Variants in NF1 observed in about 807,000 individuals in gnomAD.
The protein encoded by NF1 is neurofibromin 1.
In NF1, 122 loss-of-function variants were observed where a neutral mutation model predicts 325.7. The ratio of observed to expected loss-of-function variants is 0.37; its 90% CI spans 0.32 to 0.44. The LOEUF is 0.44. Ranked by LOEUF, NF1 falls within the 20% of genes least tolerant of loss-of-function variation. The pLI, the probability that NF1 is intolerant of heterozygous loss-of-function variation, is 1.00. For missense variants in NF1, 2,140 were observed against 3,415.4 expected, an observed-to-expected ratio of 0.63 and a Z score of 9.31; for synonymous variants, 1,091 against 1,186.0, an observed-to-expected ratio of 0.92 and a Z score of 1.65.
intron 36 of NF1, among the ~76,000 whole-genome samples, chr17:31,274,824 AC>A (rs1285432486): frequency 6.6e-6 from 1 of 152,150 alleles, no homozygotes; most frequent in East Asian, 1.9e-4. Flanking sequence ...CCTTTTGAGT[AC>A]TACACTTACA....
chr17:31,280,468 G>C (rs745323395), intron 36 of NF1, among the ~76,000 whole-genome samples: 1 of 142,010 alleles, frequency 7.0e-6, no homozygotes, highest in Non-Finnish European at 1.5e-5. Flanking sequence ...AGTGAACCGG[G>C]ATCGCGCCAC....
chr17:31,119,537 A>G (rs1468046848), intron 1 of NF1, among the ~76,000 whole-genome samples: 3 of 151,940 alleles, frequency 2.0e-5, no homozygotes, highest in Non-Finnish European at 4.4e-5. Flanking sequence ...AGAGATTGCA[A>G]AAATTTTCTC....
rs1406698961 is a variant in NF1 at position 31,182,601 on chromosome 17, T to C, written c.824T>C (p.Ile275Thr). 6.2e-7 allele frequency: 1 copy of C among 1,613,940 alleles called. No individual in the cohort carries two copies. Among genetic ancestry groups the C allele is most frequent in the Non-Finnish European group, 8.5e-7 (1 of 1,179,948 alleles). ...AVWPLQIILL[I>T]LCPEIIQDIS... ...TGGCCACTACAAATCATTCTCCTTA[T>C]CTTGTGTCCAGAAATAATCCAGGAT... Residue 275 changes from isoleucine to threonine, a missense_variant, in exon 8 of 58, where the codon ATC becomes ACC. Ile to Thr is a moderately conservative substitution (Grantham distance 89). This residue lies in a region of NF1 where 246 missense variants were observed against 347.8 expected (regional missense o/e 0.71). Coordinates refer to ENST00000358273, the MANE Select transcript of NF1 (RefSeq NM_001042492.3).
chr17:31,344,487 T>C (rs1331866297), intron 48 of NF1, among the ~76,000 whole-genome samples: 1 of 152,226 alleles, frequency 6.6e-6, no homozygotes, highest in East Asian at 1.9e-4. Context: ...TTGGCCACAA[T>C]AGAGATTCAA....
intron 1 of NF1, among the ~76,000 whole-genome samples, chr17:31,149,969 A>G (rs541265596): frequency 2.6e-5 from 4 of 152,162 alleles, no homozygotes; most frequent in Non-Finnish European, 5.9e-5. Flanking sequence ...GAGAGAGAGT[A>G]AAAGCTGGAA....
In NF1 at chr17:31,350,466, AAT is replaced by A. The variant is rs554982542; in HGVS notation, c.7457+149_7457+150del. ...AAGAGTAAGTGAAACTCATTTTATA[AAT>A]GTGTGGTATTTTATGTGGGTTAGTA... On this transcript the variant is annotated intron_variant, in intron 50 of 57. Transcript: ENST00000358273. 30 of 670,942 alleles carry A rather than the reference AAT, an allele frequency of 4.5e-5. No individual in the cohort carries two copies. In the South Asian group the frequency reaches 5.5e-4, roughly 12 times the overall value. 41.6% of individuals were successfully genotyped at this position (670,942 alleles called of 1,614,324 possible). A position where few individuals can be genotyped will look rare whatever the true frequency, so the allele number is the denominator to read the frequency against.
At chr17:31,179,442 A>G (rs939069665) in intron 5 of NF1, among the ~76,000 whole-genome samples, 2 of 152,248 alleles carry the variant, frequency 1.3e-5, no homozygotes, top group South Asian at 2.1e-4. Context: ...TAACATCACA[A>G]TTAAAAGAAC....
At chr17:31,212,234 G>A (rs1388993476) in intron 12 of NF1, among the ~76,000 whole-genome samples, 3 of 152,152 alleles carry the variant, frequency 2.0e-5, no homozygotes, top group African/African-American at 4.8e-5. Context: ...TCATCAATCA[G>A]TGTTACTGTC....
chr17:31,326,337 C>A, intron 37 of NF1, 85 bp downstream of exon 37: 1 of 1,330,240 alleles, frequency 7.5e-7, no homozygotes, highest in Non-Finnish European at 1.1e-6. Flanking sequence ...GGTGTCCTAC[C>A]CCTATAGTGG....
At chr17:31,324,384 G>A (rs1437932244) in intron 36 of NF1, among the ~76,000 whole-genome samples, 4 of 151,774 alleles carry the variant, frequency 2.6e-5, no homozygotes, top group African/African-American at 9.7e-5. Flanking sequence ...GTGATATTTT[G>A]ATACATGCAT....
At position 31,350,456 on chromosome 17, in the gene NF1, T is replaced by C. The variant is rs975154575; in HGVS notation, c.7457+138T>C. The C allele has an allele frequency of 1.1e-5, 8 of 701,838 alleles. No individual in the cohort carries two copies. In the African/African-American group the frequency reaches 1.4e-4, roughly 13 times the overall value. 43.5% of individuals were successfully genotyped at this position (701,838 alleles called of 1,614,324 possible). A position where few individuals can be genotyped will look rare whatever the true frequency, so the allele number is the denominator to read the frequency against. The stretch of plus-strand genomic sequence containing the variant: ...ATGGCCTAGGAAGAGTAAGTGAAAC[T>C]CATTTTATAAATGTGTGGTATTTTA... On this transcript the variant is annotated intron_variant, in intron 50 of 57. Transcript: ENST00000358273.
At chr17:31,118,292 A>AT (rs5819917) in intron 1 of NF1, among the ~76,000 whole-genome samples, 1,721 of 143,446 alleles carry the variant, frequency 0.012, 20 homozygotes, top group African/African-American at 0.031. Flanking sequence ...CCAGATGCTG[A>AT]TTTTTTTTTT....
intron 38 of NF1, among the ~76,000 whole-genome samples, chr17:31,329,266 T>C (rs2069422007): frequency 6.6e-6 from 1 of 152,250 alleles, no homozygotes; most frequent in Non-Finnish European, 1.5e-5. Context: ...TGCCTTTAAT[T>C]TCTAATTCAA....
At chr17:31,248,933 G>A (rs775900694) in intron 29 of NF1, 51 bp from the exon 30 acceptor site, 2 of 1,586,080 alleles carry the variant, frequency 1.3e-6, no homozygotes, top group East Asian at 2.3e-5. Flanking sequence ...AGTGATTTTT[G>A]TTATTTGTTT....
intron 1 of NF1, among the ~76,000 whole-genome samples, chr17:31,151,128 C>T (rs1292652317): frequency 1.3e-5 from 2 of 152,088 alleles, no homozygotes; most frequent in African/African-American, 2.4e-5. Context: ...GGGAGTCCCT[C>T]AGTATTATAA....
chr17:31,266,347 A>G (rs1324853740), intron 36 of NF1, among the ~76,000 whole-genome samples: 3 of 152,184 alleles, frequency 2.0e-5, no homozygotes, highest in Non-Finnish European at 4.4e-5. Context: ...AGGGTCATTC[A>G]GATAGCCTTA....
chr17:31,145,639 G>A (rs530475827), intron 1 of NF1, among the ~76,000 whole-genome samples: 7 of 152,114 alleles, frequency 4.6e-5, no homozygotes, highest in African/African-American at 1.4e-4. Flanking sequence ...AGAATTTGGT[G>A]CTGTTAGTAG....
chr17:31,327,174 C>G (rs1422850942), intron 37 of NF1, among the ~76,000 whole-genome samples: 1 of 152,134 alleles, frequency 6.6e-6, no homozygotes, highest in Non-Finnish European at 1.5e-5. Flanking sequence ...GTTGGCCAGG[C>G]TGATCACGAA....
intron 4 of NF1, among the ~76,000 whole-genome samples, chr17:31,163,711 G>C (rs1025543848): frequency 6.6e-6 from 1 of 152,150 alleles, no homozygotes; most frequent in South Asian, 2.1e-4. Context: ...AATATCTGCC[G>C]TGAGCAGGCT....
Sources: allele counts gnomAD v4.1 joint callset (sites outside exome capture counted in the v4.1 genomes callset), GRCh38; gene constraint gnomAD v4.1.1; regional missense constraint gnomAD v4.1.1; transcripts MANE v1.5; gene names NCBI Gene and HGNC (gene_info 2026-07-23, HGNC 2026-07-21).